Variants in ANXA8 observed in about 807,000 individuals in gnomAD.
ANXA8 encodes the protein annexin A8, also known as VAC-beta.
In ANXA8, 9 loss-of-function variants were observed where a neutral mutation model predicts 26.8. The ratio of observed to expected loss-of-function variants is 0.34; its 90% CI spans 0.20 to 0.59. The LOEUF (loss-of-function observed/expected upper bound fraction) is 0.59, where lower values mean the gene tolerates loss of function less well. Ranked by LOEUF, ANXA8 falls within the 20% of genes least tolerant of loss-of-function variation. The probability of loss-of-function intolerance (pLI) is 0.84; values close to 1 mark genes in which losing one functional copy is unlikely to be tolerated. For missense variants in ANXA8, 83 were observed against 238.5 expected, an observed-to-expected ratio of 0.35 and a Z score of 4.29; for synonymous variants, 39 against 94.8, an observed-to-expected ratio of 0.41 and a Z score of 3.42.
At chr10:47,593,283 A>G in the ANXA8 span, among the ~76,000 whole-genome samples, 1 of 149,734 alleles carries the variant, frequency 6.7e-6, no homozygotes, top group South Asian at 2.1e-4. Flanking sequence ...AGCCTGCCAA[A>G]GCACCACATG....
the ANXA8 span, among the ~76,000 whole-genome samples, chr10:47,720,671 C>T: frequency 5.5e-3 from 770 of 140,488 alleles, 34 homozygotes; most frequent in African/African-American, 0.02. Flanking sequence ...CTAAATATTG[C>T]GGTATCTAAA....
At chr10:47,514,339 T>C in the ANXA8 span, among the ~76,000 whole-genome samples, 1 of 149,878 alleles carries the variant, frequency 6.7e-6, no homozygotes, top group Non-Finnish European at 1.5e-5. Flanking sequence ...GAAGTAAGAC[T>C]ATTATTCTAA....
At chr10:47,561,069 A>T in the ANXA8 span, among the ~76,000 whole-genome samples, 1 of 151,616 alleles carries the variant, frequency 6.6e-6, no homozygotes, top group Admixed American at 6.6e-5. Flanking sequence ...AAGCCTTTCA[A>T]TTTTTTTATT....
At chr10:47,950,849 G>T in the ANXA8 span, among the ~76,000 whole-genome samples, 1 of 150,804 alleles carries the variant, frequency 6.6e-6, no homozygotes. Context: ...AACTTTAAAT[G>T]ATTTTTATTA....
At chr10:47,954,934 C>T in the ANXA8 span, among the ~76,000 whole-genome samples, 806 of 141,426 alleles carry the variant, frequency 5.7e-3, 8 homozygotes, top group African/African-American at 0.018. Flanking sequence ...AGAATGGAGC[C>T]CAGAAACATT....
At chr10:47,475,166 T>G (rs1417594903) in intron 6 of ANXA8, among the ~76,000 whole-genome samples, 162 bp from the exon 7 acceptor site, 1 of 147,440 alleles carries the variant, frequency 6.8e-6, no homozygotes, top group Non-Finnish European at 1.5e-5. Flanking sequence ...TTTCCTCATT[T>G]GTACAATGGG....
the ANXA8 span, among the ~76,000 whole-genome samples, chr10:47,900,430 G>T: frequency 2.0e-5 from 3 of 147,282 alleles, no homozygotes; most frequent in Non-Finnish European, 4.5e-5. Context: ...CTTAGGTTAG[G>T]ATTTGATTTT....
the ANXA8 span, among the ~76,000 whole-genome samples, chr10:47,746,923 T>C: frequency 1.6e-5 from 2 of 121,470 alleles, no homozygotes; most frequent in African/African-American, 6.2e-5. Context: ...GAATCCTTTT[T>C]CTGAGAAAAG....
chr10:47,778,788 C>T, the ANXA8 span, among the ~76,000 whole-genome samples: 8 of 151,778 alleles, frequency 5.3e-5, no homozygotes, highest in South Asian at 1.5e-3. Flanking sequence ...CACTGTACAG[C>T]ATAATTCAAA....
chr10:47,500,806 T>C, the ANXA8 span, among the ~76,000 whole-genome samples: 1 of 120,522 alleles, frequency 8.3e-6, no homozygotes, highest in Non-Finnish European at 1.7e-5. Context: ...CAATCTCTGC[T>C]CACTGCAAGC....
chr10:47,618,209 T>C, the ANXA8 span, among the ~76,000 whole-genome samples: 663 of 109,142 alleles, frequency 6.1e-3, 82 homozygotes, highest in African/African-American at 0.023. Flanking sequence ...TTAATGTTCA[T>C]GCAAATAAGC....
Position 47,474,989 on chromosome 10 carries a change from C to A in ANXA8, c.508G>T (p.Val170Leu). ...VCLLQGSRDD[V>L]SSFVDPGLAL... Reference sequence around the variant, plus strand: ...AGTCCTGGGTCCACAAAGCTGCTCACATCATCCCTGCTGCCCTAGGAACAG... The same window carrying A: ...AGTCCTGGGTCCACAAAGCTGCTCAAATCATCCCTGCTGCCCTAGGAACAG... Residue 170 changes from valine (V) to leucine (L), a missense_variant, in exon 7 of 12, where the codon GTG (valine) becomes TTG (leucine). Around this residue, in one of 6 missense-constraint regions of ANXA8, gnomAD observed 24 missense variants for 30.6 expected, o/e 0.78. Transcript: ENST00000585281. The A allele has an allele frequency of 5.2e-6, 8 of 1,531,328 alleles. 2 individuals carry two copies. The highest frequency in any genetic ancestry group is 7.1e-6 in the Non-Finnish European group (8 of 1,131,780). 94.9% of individuals were successfully genotyped at this position (1,531,328 alleles called of 1,614,324 possible). A position where few individuals can be genotyped will look rare whatever the true frequency, so the allele number is the denominator to read the frequency against.
chr10:47,511,093 A>T, the ANXA8 span, among the ~76,000 whole-genome samples: 2 of 118,952 alleles, frequency 1.7e-5, no homozygotes, highest in African/African-American at 3.6e-5. Context: ...ACAGGCGCCC[A>T]CCACCATGCC....
the ANXA8 span, among the ~76,000 whole-genome samples, chr10:47,571,501 G>A: frequency 3.1e-4 from 46 of 149,860 alleles, 1 homozygote; most frequent in African/African-American, 1.1e-3. Flanking sequence ...TTGAGGCTCA[G>A]ACCTGAGCCT....
the ANXA8 span, among the ~76,000 whole-genome samples, chr10:47,733,225 T>TCTCTC: frequency 7.2e-4 from 42 of 58,362 alleles, 1 homozygote; most frequent in African/African-American, 2.3e-3. Flanking sequence ...TTCTTTCTCT[T>TCTCTC]TCTTTCTCTC....
the ANXA8 span, chr10:47,986,662 A>T: frequency 2.8e-6 from 1 of 362,666 alleles, no homozygotes. Context: ...AGCGCTCCAG[A>T]AAACTGGTGT....
the ANXA8 span, among the ~76,000 whole-genome samples, chr10:47,947,541 G>C: frequency 6.6e-6 from 1 of 150,386 alleles, no homozygotes; most frequent in Non-Finnish European, 1.5e-5. Context: ...TGGAGGAGAG[G>C]CCTGGGGGGA....
At chr10:47,502,639 AG>A in the ANXA8 span, 2 of 1,607,564 alleles carry the variant, frequency 1.2e-6, no homozygotes, top group Non-Finnish European at 1.7e-6. Flanking sequence ...AATACACATG[AG>A]GACTCCCAAG....
At chr10:47,552,945 T>A in the ANXA8 span, among the ~76,000 whole-genome samples, 1 of 151,882 alleles carries the variant, frequency 6.6e-6, no homozygotes, top group East Asian at 1.9e-4. Flanking sequence ...AGGGTGCTAC[T>A]GGAGCACAGA....
Sources: gnomAD v4.1 joint callset for allele counts (sites outside exome capture counted in the v4.1 genomes callset) on GRCh38, gnomAD v4.1.1 for gene constraint, gnomAD v4.1.1 regional missense constraint, MANE v1.5 for transcripts, NCBI Gene and HGNC (gene_info 2026-07-23, HGNC 2026-07-21) for gene names.